Variants in PTPRR observed in about 807,000 individuals in gnomAD.
PTPRR encodes the protein protein tyrosine phosphatase receptor type R.
PTPRR carries 38 observed loss-of-function variants against 77.2 expected under a neutral mutation model. That is an observed-to-expected ratio of 0.49 (90% CI 0.38 to 0.65). PTPRR has a LOEUF of 0.65. Ranked by LOEUF, PTPRR falls within the 30% of genes least tolerant of loss-of-function variation. The pLI is 0.00. For missense variants in PTPRR, 744 were observed against 799.2 expected (o/e 0.93, Z 0.83); for synonymous variants, 299 against 283.1 (o/e 1.06, Z -0.57).
intron 8 of PTPRR, among the ~76,000 whole-genome samples, chr12:70,691,044 T>C (rs1888037981): frequency 6.6e-6 from 1 of 152,148 alleles, no homozygotes; most frequent in Non-Finnish European, 1.5e-5. Context: ...CAGTTCTATA[T>C]ATCCTTCTCT....
intron 2 of PTPRR, among the ~76,000 whole-genome samples, chr12:70,873,454 A>T (rs926546817): frequency 6.6e-5 from 10 of 152,300 alleles, no homozygotes; most frequent in Admixed American, 4.6e-4. Flanking sequence ...TTCACCCTGA[A>T]GTCAAGCTGG....
intron 2 of PTPRR, among the ~76,000 whole-genome samples, chr12:70,849,182 G>T (rs754335092): frequency 3.3e-5 from 5 of 151,976 alleles, no homozygotes; most frequent in Non-Finnish European, 7.4e-5. Context: ...TATTAGAAAT[G>T]ACTATTTCCA....
intron 2 of PTPRR, among the ~76,000 whole-genome samples, chr12:70,837,278 T>C (rs1892321130): frequency 6.6e-6 from 1 of 152,136 alleles, no homozygotes; most frequent in African/African-American, 2.4e-5. Context: ...AAATGAAAGA[T>C]GCTGAGCTAT....
At chr12:70,675,196 T>C (rs1887398707) in intron 10 of PTPRR, among the ~76,000 whole-genome samples, 1 of 152,062 alleles carries the variant, frequency 6.6e-6, no homozygotes, top group Non-Finnish European at 1.5e-5. Context: ...ATTTTAACAT[T>C]TCTGTGTCCT....
At chr12:70,733,903 G>A (rs1294083636) in intron 6 of PTPRR, among the ~76,000 whole-genome samples, 4 of 152,072 alleles carry the variant, frequency 2.6e-5, no homozygotes, top group Non-Finnish European at 4.4e-5. Flanking sequence ...AGAGGAGAGT[G>A]GTGCCTCACT....
intron 2 of PTPRR, among the ~76,000 whole-genome samples, chr12:70,879,422 C>T (rs981426891): frequency 2.0e-5 from 3 of 151,008 alleles, no homozygotes; most frequent in African/African-American, 7.3e-5. Flanking sequence ...GAAACAAAGA[C>T]TCAGAAATGT....
chr12:70,809,659 A>T (rs1891774562), intron 2 of PTPRR, among the ~76,000 whole-genome samples: 1 of 152,156 alleles, frequency 6.6e-6, no homozygotes, highest in African/African-American at 2.4e-5. Flanking sequence ...TATATTTTAA[A>T]TTCCTTGATG....
At chr12:70,693,341 A>T (rs1156413256) in intron 8 of PTPRR, among the ~76,000 whole-genome samples, 1 of 152,140 alleles carries the variant, frequency 6.6e-6, no homozygotes, top group Non-Finnish European at 1.5e-5. Flanking sequence ...GCTGAATTGC[A>T]GTGGCTACTC....
At chr12:70,709,380 C>T (rs867268636) in intron 6 of PTPRR, among the ~76,000 whole-genome samples, 8 of 152,038 alleles carry the variant, frequency 5.3e-5, no homozygotes, top group African/African-American at 1.9e-4. Flanking sequence ...GGGCAAAAGC[C>T]GGAAGCATTC....
intron 2 of PTPRR, among the ~76,000 whole-genome samples, chr12:70,789,554 T>C (rs1030743050): frequency 6.6e-6 from 1 of 152,112 alleles, no homozygotes; most frequent in Non-Finnish European, 1.5e-5. Context: ...CCATACCATA[T>C]GCATACCATT....
intron 6 of PTPRR, among the ~76,000 whole-genome samples, chr12:70,739,047 A>G (rs1187621258): frequency 6.6e-6 from 1 of 152,236 alleles, no homozygotes; most frequent in Non-Finnish European, 1.5e-5. Flanking sequence ...GTATGTACTT[A>G]TAAATTACAT....
Position 70,698,490 on chromosome 12 carries a change from A to G in PTPRR, c.1195-141T>C, listed in dbSNP as rs1006669326. Reference sequence around the variant, plus strand: ...GATCTAGCACCTCTGGTGGACCAACACCCTTCCTTTCCTAAACATATCAGC... The same window carrying G: ...GATCTAGCACCTCTGGTGGACCAACGCCCTTCCTTTCCTAAACATATCAGC... On this transcript the variant is annotated intron_variant, in intron 7 of 13. Transcript: ENST00000283228. 9.7e-6 allele frequency: 6 copies of G among 616,436 alleles called. No individual in the cohort carries two copies. The African/African-American group carries it at 1.1e-4, about 11-fold the overall frequency. 38.2% of individuals were successfully genotyped at this position (616,436 alleles called of 1,614,324 possible).
chr12:70,788,682 A>G, intron 2 of PTPRR: 1 of 688,660 alleles, frequency 1.5e-6, no homozygotes, highest in Non-Finnish European at 2.5e-6. Context: ...TTCCCTAGAT[A>G]TCACATAAGT....
chr12:70,777,037 A>G lies in PTPRR; in HGVS notation c.358-12259T>C, dbSNP rs1429055119. ...CAAATATTTTCTATGTGTACATGGT[A>G]TAAAACAATATGTATATATCATACA... On this transcript the variant is annotated intron_variant, in intron 2 of 13. Transcript: ENST00000283228. Among the ~76,000 whole-genome samples, 6 of 152,106 alleles carry G rather than the reference A, an allele frequency of 3.9e-5. No homozygotes were observed. In the South Asian group the frequency reaches 1.2e-3, roughly 32 times the overall value.
At position 70,662,624 on chromosome 12, in the gene PTPRR, A is replaced by T. The variant is rs199758151; in HGVS notation, c.1498-19T>A. 2.1e-6 allele frequency: 3 copies of T among 1,428,866 alleles called. No homozygotes were observed. The Admixed American group carries it at 5.4e-5, about 26-fold the overall frequency. 88.5% of individuals were successfully genotyped at this position (1,428,866 alleles called of 1,614,324 possible). A position where few individuals can be genotyped will look rare whatever the true frequency, so the allele number is the denominator to read the frequency against. ...CACATTTCTGGAGGAAGGGAAAGAG[A>T]ATACAGCAAATATTAATGGCTTTTA... On this transcript the variant is annotated intron_variant, in intron 10 of 13. Transcript: ENST00000283228.
intron 2 of PTPRR, among the ~76,000 whole-genome samples, chr12:70,868,639 G>A (rs369048503): frequency 1.8e-4 from 27 of 152,082 alleles, no homozygotes; most frequent in African/African-American, 6.0e-4. Flanking sequence ...CGATTCCTCA[G>A]GGATCTAGAA....
intron 1 of PTPRR, among the ~76,000 whole-genome samples, chr12:70,895,697 C>A (rs565219854): frequency 8.2e-4 from 124 of 151,700 alleles, no homozygotes; most frequent in African/African-American, 2.8e-3. Context: ...ATAGATGTAG[C>A]CTAGGAATCT....
intron 10 of PTPRR, among the ~76,000 whole-genome samples, chr12:70,669,573 C>G (rs1222224645): frequency 3.3e-5 from 5 of 151,274 alleles, no homozygotes; most frequent in Non-Finnish European, 5.9e-5. Context: ...CACACACACA[C>G]ACACACACAC....
chr12:70,667,034 C>T (rs1388895692), intron 10 of PTPRR, among the ~76,000 whole-genome samples: 1 of 139,358 alleles, frequency 7.2e-6, no homozygotes, highest in Non-Finnish European at 1.5e-5. Context: ...TGGCTCACTG[C>T]AAGCTCCGCC....
Sources: allele counts gnomAD v4.1 joint callset (sites outside exome capture counted in the v4.1 genomes callset), GRCh38; gene constraint gnomAD v4.1.1; transcripts MANE v1.5; gene names NCBI Gene and HGNC (gene_info 2026-07-23, HGNC 2026-07-21).